The following MSL3B variants were observed in gnomAD, a reference collection of about 807,000 sequenced individuals.
MSL3B encodes MSL complex subunit 3 pseudogene 1.
the MSL3B span, chr2:233,868,170 G>A: frequency 9.1e-6 from 4 of 438,170 alleles, no homozygotes; most frequent in East Asian, 1.5e-4. Context: ...CCGTTACAAC[G>A]GATCAGCTAT....
At chr2:233,866,622 A>C in the MSL3B span, 1 of 804,628 alleles carries the variant, frequency 1.2e-6, no homozygotes, top group South Asian at 1.3e-5. Context: ...AGCCTGTCAC[A>C]GTTGGCGGTG....
chr2:233,867,263 C>G, the MSL3B span: 1 of 751,922 alleles, frequency 1.3e-6, no homozygotes, highest in Non-Finnish European at 2.5e-6. Flanking sequence ...ACATTCTTCA[C>G]TTATTTTTTC....
chr2:233,865,065 T>G, the MSL3B span, among the ~76,000 whole-genome samples: 1 of 152,240 alleles, frequency 6.6e-6, no homozygotes. Context: ...TGGGAAGATA[T>G]GTCTCTGTGG....
chr2:233,867,328 AT>A, the MSL3B span: 3 of 670,668 alleles, frequency 4.5e-6, no homozygotes, highest in Non-Finnish European at 5.4e-6. Flanking sequence ...CATCATTTTC[AT>A]TTTTTTCTTC....
At chr2:233,867,397 CTTCT>C in the MSL3B span, 3 of 529,778 alleles carry the variant, frequency 5.7e-6, no homozygotes, top group African/African-American at 3.8e-5. Flanking sequence ...GGAGCGGCTG[CTTCT>C]TTCTCTCTTG....
chr2:233,866,990 A>G, the MSL3B span: 1 of 1,312,650 alleles, frequency 7.6e-7, no homozygotes. Context: ...GGCATGTGGC[A>G]TAGCGTGATG....
At chr2:233,866,700 G>A in the MSL3B span, 55,188 of 790,750 alleles carry the variant, frequency 0.07, 2,318 homozygotes, top group Middle Eastern at 0.11. Context: ...GGGGTGGCTG[G>A]TTCACCGCTG....
the MSL3B span, chr2:233,867,204 T>C: frequency 2.7e-5 from 21 of 774,494 alleles, no homozygotes; most frequent in Non-Finnish European, 4.6e-5. Context: ...ATTTCCCTTT[T>C]TGTTTGAAGC....
chr2:233,866,202 A>G, the MSL3B span: 4 of 658,724 alleles, frequency 6.1e-6, no homozygotes, highest in African/African-American at 7.1e-5. Context: ...GACTCTGGGA[A>G]GAAGTCATCG....
chr2:233,865,041 T>C, the MSL3B span, among the ~76,000 whole-genome samples: 1 of 152,228 alleles, frequency 6.6e-6, no homozygotes, highest in African/African-American at 2.4e-5. Flanking sequence ...TATTTGATGC[T>C]ACTGAAGCCA....
chr2:233,866,669 G>A, the MSL3B span: 46 of 789,246 alleles, frequency 5.8e-5, no homozygotes, highest in East Asian at 9.7e-5. Flanking sequence ...CACTGCTTGC[G>A]GCTCGGCTTT....
At chr2:233,866,731 C>T in the MSL3B span, 1 of 795,286 alleles carries the variant, frequency 1.3e-6, no homozygotes, top group Non-Finnish European at 2.3e-6. Flanking sequence ...TCTCTGTAGA[C>T]TGCGGCCTGG....
At chr2:233,865,688 G>A in the MSL3B span, 1 of 155,654 alleles carries the variant, frequency 6.4e-6, no homozygotes, top group Non-Finnish European at 1.4e-5. Context: ...CAGTTTTCAA[G>A]TACAAACTAA....
At chr2:233,866,227 A>G in the MSL3B span, 14 of 689,726 alleles carry the variant, frequency 2.0e-5, 1 homozygote, top group African/African-American at 3.5e-5. Context: ...ATTCTGCTAA[A>G]AACCTCACAA....
chr2:233,866,439 TC>T, the MSL3B span: 2 of 1,251,530 alleles, frequency 1.6e-6, no homozygotes, highest in Non-Finnish European at 1.2e-6. Context: ...TTAGTTCTTC[TC>T]CCTTCAAAGC....
At chr2:233,866,536 C>G in the MSL3B span, 1 of 1,098,772 alleles carries the variant, frequency 9.1e-7, no homozygotes, top group Non-Finnish European at 1.4e-6. Flanking sequence ...TTTCCAGGTG[C>G]AGGAACAGCT....
chr2:233,868,209 T>C, the MSL3B span: 1 of 455,292 alleles, frequency 2.2e-6, no homozygotes, highest in Non-Finnish European at 4.5e-6. Context: ...TTTTCGCCTT[T>C]CCCAACAATA....
At chr2:233,867,753 C>T in the MSL3B span, among the ~76,000 whole-genome samples, 3 of 148,718 alleles carry the variant, frequency 2.0e-5, no homozygotes, top group Non-Finnish European at 4.4e-5. Flanking sequence ...GCTGGGATTA[C>T]AGGAGTGAGC....
chr2:233,867,703 C>G, the MSL3B span, among the ~76,000 whole-genome samples: 2 of 151,838 alleles, frequency 1.3e-5, no homozygotes, highest in Non-Finnish European at 1.5e-5. Context: ...GTCTCAAACT[C>G]CTGACCTCAA....
Sources: allele counts gnomAD v4.1 joint callset (sites outside exome capture counted in the v4.1 genomes callset), GRCh38; gene constraint gnomAD v4.1.1; transcripts MANE v1.5; gene names NCBI Gene and HGNC (gene_info 2026-07-23, HGNC 2026-07-21).